Variants in CEP85L observed in about 807,000 individuals in gnomAD.
CEP85L encodes the protein centrosomal protein 85L.
CEP85L carries 60 observed loss-of-function variants against 100.3 expected under a neutral mutation model. The observed-to-expected ratio is 0.60, with a 90% CI of 0.49 to 0.74. The LOEUF (loss-of-function observed/expected upper bound fraction) is 0.74, where lower values mean the gene tolerates loss of function less well. Among genes scored for constraint, CEP85L ranks in the 30% least tolerant of loss-of-function variants. CEP85L has a pLI of 0.00. For missense variants in CEP85L, 973 were observed against 936.2 expected, an observed-to-expected ratio of 1.04 and a Z score of -0.51; for synonymous variants, 319 against 322.7, an observed-to-expected ratio of 0.99 and a Z score of 0.12.
rs181626765 is a variant in CEP85L, at chr6:118,637,398, T to C, written c.74-4787A>G. 2.5e-3 allele frequency among the ~76,000 whole-genome samples: 381 copies of C among 152,066 alleles called. 2 individuals are homozygous for C. The highest frequency in any genetic ancestry group is 0.012 in the South Asian group (56 of 4,822). ...ACAAAAAGTAAGCAAACCACATAAA[T>C]CATCAAATTGTTGTCTAGGCCGGGC... On this transcript the variant is annotated intron_variant, in intron 1 of 12. Coordinates refer to ENST00000368491, the MANE Select transcript of CEP85L (RefSeq NM_001042475.3).
chr6:118,682,134 A>G (rs1776685274), intron 1 of CEP85L, among the ~76,000 whole-genome samples: 1 of 152,088 alleles, frequency 6.6e-6, no homozygotes, highest in Non-Finnish European at 1.5e-5. Context: ...CATTTTTTCC[A>G]TATGTAATTA....
At chr6:118,615,435 T>C (rs940136299) in intron 2 of CEP85L, among the ~76,000 whole-genome samples, 3 of 74,914 alleles carry the variant, frequency 4.0e-5, no homozygotes, top group Non-Finnish European at 6.4e-5. Flanking sequence ...AAAAAGTAAA[T>C]GGGAAAAAAA....
At chr6:118,491,250 T>A (rs920099733) in intron 6 of CEP85L, among the ~76,000 whole-genome samples, 30 of 149,050 alleles carry the variant, frequency 2.0e-4, no homozygotes, top group African/African-American at 7.3e-4. Flanking sequence ...TATGCATGCA[T>A]ATCTAGTGTT....
intron 4 of CEP85L, among the ~76,000 whole-genome samples, chr6:118,515,963 T>C (rs1213370313): frequency 6.6e-6 from 1 of 152,118 alleles, no homozygotes; most frequent in Non-Finnish European, 1.5e-5. Context: ...TGTGTTCTCA[T>C]TGTTCAACTC....
chr6:118,482,572 T>C (rs1489184348), intron 7 of CEP85L, among the ~76,000 whole-genome samples: 1 of 152,230 alleles, frequency 6.6e-6, no homozygotes, highest in African/African-American at 2.4e-5. Flanking sequence ...ACTGTATGTA[T>C]ATACCACCTT....
chr6:118,665,271 A>G (rs967658374), intron 1 of CEP85L, among the ~76,000 whole-genome samples: 1 of 152,202 alleles, frequency 6.6e-6, no homozygotes, highest in African/African-American at 2.4e-5. Flanking sequence ...TAATACATGA[A>G]TCAACAAGAT....
intron 2 of CEP85L, among the ~76,000 whole-genome samples, chr6:118,573,156 G>T (rs1432064591): frequency 6.6e-6 from 1 of 152,148 alleles, no homozygotes; most frequent in Non-Finnish European, 1.5e-5. Context: ...TGAAGAAACT[G>T]CAAAACATCA....
upstream of CEP85L, chr6:118,652,550 A>G: frequency 2.1e-6 from 3 of 1,421,830 alleles, no homozygotes; most frequent in South Asian, 2.9e-5. Flanking sequence ...GCTTAACTAG[A>G]GAGGCTTTGA....
intron 3 of CEP85L, among the ~76,000 whole-genome samples, chr6:118,536,078 A>G (rs192712851): frequency 4.1e-4 from 62 of 152,318 alleles, no homozygotes; most frequent in African/African-American, 1.5e-3. Flanking sequence ...AGAACTTATC[A>G]TAATAAAATT....
rs146579470 is a variant in CEP85L at position 118,586,615 on chromosome 6, CCAA to C, written c.233-20302_233-20300del. ...GCCTGGAGAGCTGAGGGAGCAACCC[CCAA>C]CAGCCCAGAGGAACGTCCTGAATAG... On this transcript the variant is annotated intron_variant, in intron 2 of 12. Transcript: ENST00000368491. 8.1e-3 allele frequency among the ~76,000 whole-genome samples: 1,228 copies of C among 152,244 alleles called. 61 individuals carry two copies. The highest frequency in any genetic ancestry group is 0.073 in the Admixed American group (1,114 of 15,292).
In CEP85L at chr6:118,469,174, C is replaced by T; in HGVS notation, c.2152G>A (p.Glu718Lys). The change falls in exon 12 of 13, where the codon GAA becomes AAA. Residue 718 changes from glutamate (E) to lysine (K), a missense_variant. Physicochemically the swap from Glu to Lys is moderately conservative, Grantham distance 56 (BLOSUM62 1). Around this residue, in one of 3 missense-constraint regions of CEP85L, gnomAD observed 890 missense variants for 844.5 expected, o/e 1.05. Coordinates refer to ENST00000368491, the MANE Select transcript of CEP85L (RefSeq NM_001042475.3). ...DLTVIDQLFKEMSCCLFDLKA... is the reference protein window; with the variant it reads ...DLTVIDQLFKKMSCCLFDLKA... ...AAGTCAAACAAACAACAGGACATTT[C>T]CTTGAACAGCTGATCAATCACAGTC... 1 of 1,614,036 alleles carries T rather than the reference C, an allele frequency of 6.2e-7. No individual in the cohort carries two copies. The highest frequency in any genetic ancestry group is 8.5e-7 in the Non-Finnish European group (1 of 1,179,922).
rs1282638536 is a variant in CEP85L at position 118,479,938 on chromosome 6, A to G, written c.1864-17T>C. ...GTCTATTATCTAAAACAAAATAAAT[A>G]CATCTGATTCAAATAATTTTTACAT... On this transcript the variant is annotated splice_polypyrimidine_tract_variant and intron_variant, in intron 9 of 12. Coordinates refer to ENST00000368491, the MANE Select transcript of CEP85L (RefSeq NM_001042475.3). 1.5e-5 allele frequency: 20 copies of G among 1,290,748 alleles called. No individual in the cohort carries two copies. The highest frequency in any genetic ancestry group is 2.0e-5 in the Non-Finnish European group (18 of 919,566). 80.0% of individuals were successfully genotyped at this position (1,290,748 alleles called of 1,614,324 possible).
chr6:118,648,648 AG>A (rs1256750978), intron 1 of CEP85L, among the ~76,000 whole-genome samples: 26 of 150,720 alleles, frequency 1.7e-4, no homozygotes, highest in Admixed American at 1.3e-4. Context: ...AGGCTGAGGC[AG>A]GAGAATGGCG....
chr6:118,562,196 A>C (rs1321061303), intron 3 of CEP85L, among the ~76,000 whole-genome samples: 1 of 152,248 alleles, frequency 6.6e-6, no homozygotes, highest in Non-Finnish European at 1.5e-5. Flanking sequence ...CAGTTAAAAA[A>C]TTAAAGCCAG....
Position 118,491,767 on chromosome 6 carries a change from C to T in CEP85L, c.1356G>A (p.Glu452=), listed in dbSNP as rs1225485788. The change falls in exon 6 of 13, where the codon GAG becomes GAA. Residue 452 remains glutamate, a synonymous_variant. Coordinates refer to ENST00000368491, the MANE Select transcript of CEP85L (RefSeq NM_001042475.3). ...GEFEQKLAST[E]KEVLQLNEFL... is the part of the protein sequence containing the mutation. Reference sequence around the variant, plus strand: ...ACTCATTAAGCTGTAAAACTTCTTTCTCAGTAGATGCAAGCTTTTGCTCAA... The same window carrying T: ...ACTCATTAAGCTGTAAAACTTCTTTTTCAGTAGATGCAAGCTTTTGCTCAA... 1 of 1,613,064 alleles carries T rather than the reference C, an allele frequency of 6.2e-7. No individual in the cohort carries two copies. The highest frequency in any genetic ancestry group is 2.2e-5 in the East Asian group (1 of 44,792).
chr6:118,483,034 T>C (rs1773904102), intron 7 of CEP85L, among the ~76,000 whole-genome samples: 1 of 152,134 alleles, frequency 6.6e-6, no homozygotes. Flanking sequence ...GATGCAGAAG[T>C]ACACCCTTCA....
chr6:118,603,874 T>C (rs188959599), intron 2 of CEP85L, among the ~76,000 whole-genome samples: 1 of 152,378 alleles, frequency 6.6e-6, no homozygotes, highest in East Asian at 1.9e-4. Context: ...AACAATTGTC[T>C]GTGGATAGTA....
chr6:118,705,321 A>G (rs1038788871), intron 1 of CEP85L, among the ~76,000 whole-genome samples: 1 of 152,206 alleles, frequency 6.6e-6, no homozygotes, highest in Admixed American at 6.5e-5. Flanking sequence ...TTTGCCCCAG[A>G]CTGTGAGATA....
At chr6:118,492,605 T>C (rs572352000) in intron 5 of CEP85L, among the ~76,000 whole-genome samples, 4 of 152,198 alleles carry the variant, frequency 2.6e-5, no homozygotes, top group Admixed American at 2.0e-4. Context: ...CAAATCAGCA[T>C]GTGGTTAAGT....
Sources: gnomAD v4.1 joint callset for allele counts (sites outside exome capture counted in the v4.1 genomes callset) on GRCh38, gnomAD v4.1.1 for gene constraint, gnomAD v4.1.1 regional missense constraint, MANE v1.5 for transcripts, NCBI Gene and HGNC (gene_info 2026-07-23, HGNC 2026-07-21) for gene names.